DOCK1: variants seen among roughly 807,000 people sequenced by gnomAD.
DOCK1 encodes dedicator of cytokinesis protein 1.
A neutral mutation model predicts 262.7 loss-of-function variants in DOCK1; 138 were observed. The observed-to-expected ratio is 0.53, with a 90% CI of 0.46 to 0.61. The LOEUF is 0.61. Ranked by LOEUF, DOCK1 falls within the 20% of genes least tolerant of loss-of-function variation. The pLI is 0.00. For synonymous variants in DOCK1, 866 were observed against 867.4 expected (o/e 1.00, Z 0.03); for missense variants, 1,908 against 2,370.7 (o/e 0.80, Z 4.05).
At chr10:127,189,508 A>G (rs561655069) in intron 27 of DOCK1, among the ~76,000 whole-genome samples, 3 of 152,246 alleles carry the variant, frequency 2.0e-5, no homozygotes, top group Non-Finnish European at 4.4e-5. Context: ...AAGTAGATAT[A>G]TATTCAGAAT....
At chr10:126,948,810 C>T (rs908692407) in intron 1 of DOCK1, among the ~76,000 whole-genome samples, 1 of 152,052 alleles carries the variant, frequency 6.6e-6, no homozygotes, top group Non-Finnish European at 1.5e-5. Context: ...GATTTTCCAT[C>T]CTCTCCCTCA....
At chr10:127,358,365 G>A (rs1049601268) in intron 32 of DOCK1, among the ~76,000 whole-genome samples, 1 of 152,144 alleles carries the variant, frequency 6.6e-6, no homozygotes, top group African/African-American at 2.4e-5. Flanking sequence ...CATATTTTGA[G>A]TCTGAAAGGG....
intron 1 of DOCK1, among the ~76,000 whole-genome samples, chr10:126,946,446 C>G (rs2035412297): frequency 6.6e-6 from 1 of 152,102 alleles, no homozygotes; most frequent in South Asian, 2.1e-4. Flanking sequence ...ACTTGGGAGG[C>G]TGAGGCAGGA....
chr10:127,334,109 A>G (rs770651856), intron 29 of DOCK1, among the ~76,000 whole-genome samples: 6 of 152,086 alleles, frequency 3.9e-5, no homozygotes, highest in Non-Finnish European at 7.3e-5. Flanking sequence ...GTTGTGATAC[A>G]TGCATTCATT....
At chr10:127,085,926 C>T (rs559582190) in intron 23 of DOCK1, among the ~76,000 whole-genome samples, 2 of 152,286 alleles carry the variant, frequency 1.3e-5, no homozygotes, top group East Asian at 1.9e-4. Flanking sequence ...AGGCTGCACA[C>T]AGGCATTTGG....
chr10:127,168,243 G>C (rs74158630), intron 27 of DOCK1, among the ~76,000 whole-genome samples: 2,344 of 152,316 alleles, frequency 0.015, 53 homozygotes, highest in African/African-American at 0.047. Flanking sequence ...ACCTCAGCCA[G>C]CTGGCTGGAA....
intron 1 of DOCK1, among the ~76,000 whole-genome samples, chr10:126,949,508 C>T (rs906538677): frequency 6.6e-6 from 1 of 152,068 alleles, no homozygotes; most frequent in Admixed American, 6.6e-5. Context: ...CTTGTGAATT[C>T]CTTTTTCCCA....
At chr10:127,338,749 C>A (rs1324108587) in intron 29 of DOCK1, among the ~76,000 whole-genome samples, 1 of 151,794 alleles carries the variant, frequency 6.6e-6, no homozygotes, top group Non-Finnish European at 1.5e-5. Context: ...TTAAGTCATA[C>A]TTTTCAAATG....
At chr10:126,922,228 A>T (rs1166527850) in intron 1 of DOCK1, among the ~76,000 whole-genome samples, 1 of 151,518 alleles carries the variant, frequency 6.6e-6, no homozygotes, top group Non-Finnish European at 1.5e-5. Context: ...AAAAAAAAAA[A>T]AAAAAAGGAA....
At chr10:127,123,372 G>A (rs1009271458) in intron 25 of DOCK1, among the ~76,000 whole-genome samples, 5 of 152,216 alleles carry the variant, frequency 3.3e-5, no homozygotes, top group Admixed American at 3.3e-4. Flanking sequence ...AGTGTGTGAT[G>A]TGTTTCCAGC....
At chr10:127,389,010 T>A (rs1470825262) in intron 38 of DOCK1, among the ~76,000 whole-genome samples, 1 of 152,250 alleles carries the variant, frequency 6.6e-6, no homozygotes, top group East Asian at 1.9e-4. Context: ...ACTAGAGATG[T>A]GAGAATAACA....
intron 27 of DOCK1, among the ~76,000 whole-genome samples, chr10:127,236,450 G>A (rs1024276322): frequency 2.1e-5 from 3 of 144,104 alleles, no homozygotes; most frequent in African/African-American, 7.7e-5. Context: ...CAACTGTTTC[G>A]GCACCATTTG....
chr10:127,362,530 A>G (rs999036334), intron 33 of DOCK1, among the ~76,000 whole-genome samples: 4 of 152,206 alleles, frequency 2.6e-5, no homozygotes, highest in African/African-American at 7.2e-5. Context: ...AGAGCGTTTA[A>G]TCAAATGTTA....
chr10:127,352,132 G>A (rs1204792235), intron 31 of DOCK1, among the ~76,000 whole-genome samples: 1 of 150,316 alleles, frequency 6.7e-6, no homozygotes, highest in Non-Finnish European at 1.5e-5. Context: ...CACCACCCAA[G>A]GGAGAAGCAC....
At chr10:127,306,347 A>T (rs2061875468) in intron 29 of DOCK1, among the ~76,000 whole-genome samples, 1 of 152,008 alleles carries the variant, frequency 6.6e-6, no homozygotes, top group Non-Finnish European at 1.5e-5. Context: ...GAGTTGGTGA[A>T]TCAACTCGAA....
At chr10:127,339,695 T>C (rs796123618) in intron 30 of DOCK1, among the ~76,000 whole-genome samples, 1 of 109,742 alleles carries the variant, frequency 9.1e-6, no homozygotes, top group Admixed American at 1.0e-4. Flanking sequence ...CTGGCCTGAT[T>C]TGTGTGTGTG....
chr10:127,195,064 T>G (rs1316316135), intron 27 of DOCK1, among the ~76,000 whole-genome samples: 1 of 152,126 alleles, frequency 6.6e-6, no homozygotes, highest in Non-Finnish European at 1.5e-5. Context: ...CCTCCCCCAC[T>G]CCTGGCATCT....
intron 29 of DOCK1, among the ~76,000 whole-genome samples, chr10:127,320,861 C>T (rs1335238967): frequency 6.6e-6 from 1 of 152,102 alleles, no homozygotes; most frequent in Non-Finnish European, 1.5e-5. Context: ...ATTGTCCCTT[C>T]ACCTCCAGAT....
rs1192001467 is a variant in DOCK1, at chr10:126,999,214, G to A, written c.768-140G>A. On this transcript the variant is annotated intron_variant, in intron 8 of 51. Coordinates refer to ENST00000623213, the MANE Select transcript of DOCK1 (RefSeq NM_001290223.2). ...GATGTTAATTGATGAGTAGCTGTAT[G>A]TGATACTTTTGATATTTATAAACTC... The A allele has an allele frequency of 6.3e-6, 4 of 637,126 alleles. No individual in the cohort carries two copies. In the African/African-American group the frequency reaches 7.4e-5, roughly 12 times the overall value. 39.5% of individuals were successfully genotyped at this position (637,126 alleles called of 1,614,324 possible).
Sources: allele counts gnomAD v4.1 joint callset (sites outside exome capture counted in the v4.1 genomes callset), GRCh38; gene constraint gnomAD v4.1.1; transcripts MANE v1.5; gene names NCBI Gene and HGNC (gene_info 2026-07-23, HGNC 2026-07-21).